ELP3: variants seen among roughly 807,000 people sequenced by gnomAD.
The protein encoded by ELP3 is elongator acetyltransferase complex subunit 3, also known as elongator complex protein 3.
Under a neutral mutation model 74.9 loss-of-function variants are expected in ELP3, and 56 were observed. The ratio of observed to expected loss-of-function variants is 0.75; its 90% CI spans 0.60 to 0.93. The LOEUF is 0.93. Ranked by LOEUF, ELP3 falls within the 40% of genes least tolerant of loss-of-function variation. ELP3 has a pLI of 0.00. For missense variants in ELP3, 573 were observed against 686.5 expected, an observed-to-expected ratio of 0.83 and a Z score of 1.85; for synonymous variants, 222 against 239.8, an observed-to-expected ratio of 0.93 and a Z score of 0.68.
intron 10 of ELP3, among the ~76,000 whole-genome samples, chr8:28,144,494 C>A (rs999970347): frequency 6.6e-6 from 1 of 152,096 alleles, no homozygotes; most frequent in African/African-American, 2.4e-5. Flanking sequence ...GTGGCACATG[C>A]CTGTAGTCCC....
intron 3 of ELP3, among the ~76,000 whole-genome samples, chr8:28,101,333 T>A (rs1811475983): frequency 6.6e-6 from 1 of 151,646 alleles, no homozygotes; most frequent in Admixed American, 6.6e-5. Context: ...GGCAGGAGAA[T>A]GGTGTGAACC....
rs374933353 is a variant in ELP3 at position 28,161,631 on chromosome 8, TAG to T, written c.1486-361_1486-360del. On this transcript the variant is annotated intron_variant, in intron 13 of 14. Transcript: ENST00000256398. ...AAGAGAAAAAAAAAAAAAAAAAAAG[TAG>T]AGAGGTGACTAAGAAATTAAAGACA... Among the ~76,000 whole-genome samples, 789 of 140,826 alleles carry T rather than the reference TAG, an allele frequency of 5.6e-3. 13 individuals are homozygous for T. The highest frequency in any genetic ancestry group is 0.02 in the African/African-American group (759 of 38,130). 92.4% of individuals were successfully genotyped at this position (140,826 alleles called of 152,430 possible). A position where few individuals can be genotyped will look rare whatever the true frequency, so the allele number is the denominator to read the frequency against.
intron 14 of ELP3, among the ~76,000 whole-genome samples, chr8:28,184,598 A>G (rs991617551): frequency 3.3e-5 from 5 of 152,148 alleles, no homozygotes; most frequent in African/African-American, 1.2e-4. Flanking sequence ...CTGGTTATCC[A>G]AGGACTGTCC....
At chr8:28,096,571 T>G (rs1419946604) in intron 1 of ELP3, among the ~76,000 whole-genome samples, 1 of 152,240 alleles carries the variant, frequency 6.6e-6, no homozygotes, top group Admixed American at 6.5e-5. Flanking sequence ...ATCCTTGAAC[T>G]GTGCTTGAGT....
intron 10 of ELP3, among the ~76,000 whole-genome samples, chr8:28,150,933 A>G (rs1813618511): frequency 6.6e-6 from 1 of 152,160 alleles, no homozygotes; most frequent in African/African-American, 2.4e-5. Context: ...AATCGGGACT[A>G]CAGGCATGTG....
intron 1 of ELP3, among the ~76,000 whole-genome samples, chr8:28,095,657 A>G (rs113631060): frequency 1.6e-4 from 24 of 152,342 alleles, no homozygotes; most frequent in African/African-American, 5.8e-4. Context: ...TGAAAAAAGC[A>G]TGGAAGTTGT....
intron 6 of ELP3, chr8:28,112,699 G>A: frequency 5.5e-6 from 1 of 181,730 alleles, no homozygotes; most frequent in East Asian, 1.4e-4. Context: ...TTACTGTTTT[G>A]CAAATTGTAT....
intron 9 of ELP3, 28 bp downstream of exon 9, chr8:28,132,432 C>G (rs1356638933): frequency 6.2e-7 from 1 of 1,613,530 alleles, no homozygotes; most frequent in African/African-American, 1.3e-5. Context: ...CAGGCGCATT[C>G]AGAATGGCTC....
chr8:28,120,839 A>G (rs1294550586), intron 7 of ELP3, among the ~76,000 whole-genome samples: 2 of 152,226 alleles, frequency 1.3e-5, no homozygotes, highest in Admixed American at 1.3e-4. Flanking sequence ...TTTGTTAAAA[A>G]TCGAAGGACT....
At chr8:28,140,112 TTTTGTGTGTGTG>T (rs1813173256) in intron 10 of ELP3, among the ~76,000 whole-genome samples, 1 of 121,516 alleles carries the variant, frequency 8.2e-6, no homozygotes, top group African/African-American at 3.3e-5. Flanking sequence ...ACTGTACATA[TTTTGTGTGTGTG>T]TGTGTGTGTG....
intron 7 of ELP3, 58 bp downstream of exon 7, chr8:28,113,231 C>A: frequency 6.9e-7 from 1 of 1,450,434 alleles, no homozygotes; most frequent in Non-Finnish European, 9.4e-7. Context: ...ATGCTCCTAG[C>A]AGTAGTCTAC....
intron 2 of ELP3, 116 bp from the exon 3 acceptor site, chr8:28,099,712 C>T (rs752179147): frequency 4.0e-5 from 45 of 1,131,768 alleles, no homozygotes; most frequent in South Asian, 3.8e-4. Flanking sequence ...ATCCTTGTCA[C>T]GTGGTGAAGG....
At chr8:28,093,667 A>T (rs1811137508) in intron 1 of ELP3, 1 of 176,070 alleles carries the variant, frequency 5.7e-6, no homozygotes, top group African/African-American at 2.4e-5. Context: ...TTGTGCATGC[A>T]ATTATTCCCA....
At chr8:28,112,279 G>T (rs1811947987) in intron 6 of ELP3, among the ~76,000 whole-genome samples, 1 of 151,974 alleles carries the variant, frequency 6.6e-6, no homozygotes, top group South Asian at 2.1e-4. Context: ...GAGTAGCTGG[G>T]ATTACGGCAT....
chr8:28,160,016 T>C (rs901150816), intron 12 of ELP3, among the ~76,000 whole-genome samples: 1 of 152,228 alleles, frequency 6.6e-6, no homozygotes, highest in Non-Finnish European at 1.5e-5. Flanking sequence ...TGTGAAATTA[T>C]ACAGTTATTT....
intron 14 of ELP3, among the ~76,000 whole-genome samples, chr8:28,162,577 A>G (rs1414448578): frequency 6.6e-6 from 1 of 152,206 alleles, no homozygotes; most frequent in Non-Finnish European, 1.5e-5. Flanking sequence ...GGAGTAAAAA[A>G]GTTTTCCCCA....
intron 14 of ELP3, among the ~76,000 whole-genome samples, chr8:28,178,258 A>G (rs1348030298): frequency 6.6e-6 from 1 of 152,184 alleles, no homozygotes; most frequent in African/African-American, 2.4e-5. Flanking sequence ...TTAAGTTTCA[A>G]CATACGAATT....
intron 7 of ELP3, among the ~76,000 whole-genome samples, chr8:28,125,594 G>T (rs191742173): frequency 6.6e-6 from 1 of 152,184 alleles, no homozygotes; most frequent in East Asian, 1.9e-4. Flanking sequence ...TTCCATCAGT[G>T]TCCCCCTGGT....
chr8:28,125,674 A>G (rs555850565), intron 7 of ELP3, among the ~76,000 whole-genome samples: 1 of 152,148 alleles, frequency 6.6e-6, no homozygotes, highest in East Asian at 1.9e-4. Context: ...TCTTCTTTCC[A>G]GAAATAGAAA....
Sources: gnomAD v4.1 joint callset for allele counts (sites outside exome capture counted in the v4.1 genomes callset) on GRCh38, gnomAD v4.1.1 for gene constraint, MANE v1.5 for transcripts, NCBI Gene and HGNC (gene_info 2026-07-23, HGNC 2026-07-21) for gene names.